The following UBE2L3 variants were observed in gnomAD, a reference collection of about 807,000 sequenced individuals.
The protein encoded by UBE2L3 is ubiquitin-conjugating enzyme E2 L3.
A neutral mutation model predicts 17.8 loss-of-function variants in UBE2L3; 1 was observed. The ratio of observed to expected loss-of-function variants is 0.06; its 90% CI spans 0.02 to 0.27. UBE2L3 has a LOEUF of 0.27. Among genes scored for constraint, UBE2L3 ranks in the 10% least tolerant of loss-of-function variants. UBE2L3 has a pLI of 1.00. For synonymous variants in UBE2L3, 44 were observed against 68.5 expected, an observed-to-expected ratio of 0.64 and a Z score of 1.76; for missense variants, 40 against 192.6, an observed-to-expected ratio of 0.21 and a Z score of 4.69.
intron 1 of UBE2L3, among the ~76,000 whole-genome samples, chr22:21,577,975 A>G (rs181363): frequency 0.32 from 47,868 of 151,918 alleles, 8,785 homozygotes; most frequent in East Asian, 0.51. Flanking sequence ...CACGGTGAGG[A>G]AGAGGGTGTA....
intron 2 of UBE2L3, among the ~76,000 whole-genome samples, chr22:21,595,180 C>T (rs775868199): frequency 2.3e-4 from 35 of 152,318 alleles, no homozygotes; most frequent in Non-Finnish European, 4.0e-4. Context: ...ACCTTGGAGA[C>T]GGTAAGCAAC....
intron 3 of UBE2L3, among the ~76,000 whole-genome samples, chr22:21,615,037 C>T (rs1347500474): frequency 2.0e-5 from 3 of 151,918 alleles, no homozygotes; most frequent in East Asian, 1.9e-4. Context: ...CGCCTGTAAT[C>T]CCAGCTACAT....
At chr22:21,603,928 T>C (rs1775220119) in intron 2 of UBE2L3, among the ~76,000 whole-genome samples, 1 of 148,986 alleles carries the variant, frequency 6.7e-6, no homozygotes, top group East Asian at 1.9e-4. Flanking sequence ...TTTTTTTTTT[T>C]TCTGAGACAG....
intron 1 of UBE2L3, 91 bp downstream of exon 1, chr22:21,567,862 C>A: frequency 1.3e-6 from 2 of 1,547,980 alleles, no homozygotes; most frequent in South Asian, 2.4e-5. Context: ...AGGGCGCTGC[C>A]GTCTGGCTTC....
intron 2 of UBE2L3, among the ~76,000 whole-genome samples, chr22:21,596,249 A>G (rs1928516732): frequency 6.6e-6 from 1 of 152,022 alleles, no homozygotes; most frequent in Non-Finnish European, 1.5e-5. Context: ...CACCCAGGCT[A>G]GGGTGCAGTG....
chr22:21,602,032 T>C (rs1472378355), intron 2 of UBE2L3, among the ~76,000 whole-genome samples: 5 of 151,616 alleles, frequency 3.3e-5, no homozygotes, highest in South Asian at 4.2e-4. Context: ...CGCGTCCCCT[T>C]GTTCTCTCTT....
chr22:21,588,543 C>A (rs1928077051), intron 1 of UBE2L3, among the ~76,000 whole-genome samples: 1 of 146,424 alleles, frequency 6.8e-6, no homozygotes, highest in Non-Finnish European at 1.5e-5. Flanking sequence ...AATCTTGACT[C>A]ACTGCACAGC....
chr22:21,572,893 C>G (rs967806082), intron 1 of UBE2L3, among the ~76,000 whole-genome samples: 20 of 152,144 alleles, frequency 1.3e-4, no homozygotes, highest in African/African-American at 4.8e-4. Flanking sequence ...CAGCGGAGCC[C>G]TTCTCGGCTC....
At chr22:21,575,760 C>T (rs112011438) in intron 1 of UBE2L3, among the ~76,000 whole-genome samples, 2,928 of 146,954 alleles carry the variant, frequency 0.02, 105 homozygotes, top group African/African-American at 0.071. Context: ...CCTCCTGCCT[C>T]AGCCTCCCGA....
chr22:21,575,277 A>G (rs181361), intron 1 of UBE2L3, among the ~76,000 whole-genome samples: 1 of 145,022 alleles, frequency 6.9e-6, no homozygotes, highest in Non-Finnish European at 1.5e-5. Flanking sequence ...AAAAAAAAAA[A>G]GAAAAGGAAA....
chr22:21,590,317 C>T (rs1450023706), intron 1 of UBE2L3, among the ~76,000 whole-genome samples: 1 of 152,190 alleles, frequency 6.6e-6, no homozygotes, highest in African/African-American at 2.4e-5. Flanking sequence ...CCTGCCTCAG[C>T]CTCCCGAGTA....
upstream of UBE2L3, among the ~76,000 whole-genome samples, chr22:21,563,742 A>G (rs1926536207): frequency 1.3e-5 from 2 of 149,328 alleles, no homozygotes; most frequent in African/African-American, 4.9e-5. Context: ...ACACCCAGCT[A>G]ATTTTTGTAT....
At chr22:21,565,366 A>G (rs1926591016), upstream of UBE2L3, among the ~76,000 whole-genome samples, 1 of 151,452 alleles carries the variant, frequency 6.6e-6, no homozygotes, top group Non-Finnish European at 1.5e-5. Context: ...TGCTGGGATT[A>G]CAGGTGTGAA....
At chr22:21,574,602 C>T (rs1484465467) in intron 1 of UBE2L3, among the ~76,000 whole-genome samples, 2 of 152,148 alleles carry the variant, frequency 1.3e-5, no homozygotes, top group African/African-American at 2.4e-5. Context: ...ATTCTCTTAC[C>T]TGTGGTACTC....
intron 3 of UBE2L3, among the ~76,000 whole-genome samples, chr22:21,612,123 G>T (rs1275196339): frequency 6.6e-6 from 1 of 152,094 alleles, no homozygotes; most frequent in African/African-American, 2.4e-5. Context: ...AAAGCCTTGC[G>T]CAAGAAAAAT....
intron 3 of UBE2L3, among the ~76,000 whole-genome samples, chr22:21,612,981 T>C (rs1929583153): frequency 1.3e-5 from 2 of 152,170 alleles, no homozygotes; most frequent in South Asian, 4.1e-4. Flanking sequence ...GTCGAAAACC[T>C]ATAGCTGCAT....
intron 3 of UBE2L3, among the ~76,000 whole-genome samples, chr22:21,618,392 G>A (rs1029132837): frequency 2.6e-5 from 4 of 151,446 alleles, no homozygotes; most frequent in African/African-American, 9.7e-5. Flanking sequence ...GTGAAACCCC[G>A]TCTCTACTAA....
At position 21,603,484 on chromosome 22, in the gene UBE2L3, C is replaced by T. The variant is rs147493264; in HGVS notation, c.124-7373C>T. Among the ~76,000 whole-genome samples the T allele has an allele frequency of 3.7e-3, 501 of 136,878 alleles. 2 individuals are homozygous for T. Among genetic ancestry groups the T allele is most frequent in the African/African-American group, 0.013 (485 of 36,496 alleles). The allele number at this position is 136,878 out of a possible 152,430, so 89.8% of individuals were successfully genotyped here. The stretch of plus-strand genomic sequence containing the variant: ...GGTGGAGGCTGCAGTGAACCGAGAT[C>T]GTGCCATTGCACTCCTGCCTGGGTG... On this transcript the variant is annotated intron_variant, in intron 2 of 3. Coordinates refer to ENST00000342192, the MANE Select transcript of UBE2L3 (RefSeq NM_003347.4).
chr22:21,588,163 A>G (rs1344876841), intron 1 of UBE2L3, among the ~76,000 whole-genome samples: 2 of 152,180 alleles, frequency 1.3e-5, no homozygotes, highest in South Asian at 2.1e-4. Flanking sequence ...ATTTGTAAGC[A>G]TCTGTCATTC....
Sources: allele counts gnomAD v4.1 joint callset (sites outside exome capture counted in the v4.1 genomes callset), GRCh38; gene constraint gnomAD v4.1.1; transcripts MANE v1.5; gene names NCBI Gene and HGNC (gene_info 2026-07-23, HGNC 2026-07-21).